The following DYM variants were observed in gnomAD, a reference collection of about 807,000 sequenced individuals.
DYM encodes the protein dymeclin.
A neutral mutation model predicts 93.1 loss-of-function variants in DYM; 78 were observed. The ratio of observed to expected loss-of-function variants is 0.84; its 90% CI spans 0.70 to 1.01. The LOEUF (loss-of-function observed/expected upper bound fraction) is 1.01. Ranked by LOEUF, DYM falls within the 50% of genes least tolerant of loss-of-function variation. DYM has a pLI of 0.00. For missense variants in DYM, 789 were observed against 845.0 expected (o/e 0.93, Z 0.82); for synonymous variants, 321 against 319.7 (o/e 1.00, Z -0.04).
chr18:49,152,542 G>A (rs946858667), intron 15 of DYM, among the ~76,000 whole-genome samples: 1 of 152,128 alleles, frequency 6.6e-6, no homozygotes, highest in African/African-American at 2.4e-5. Context: ...AAAATCAATT[G>A]TATTGGTACA....
At chr18:49,380,360 T>C (rs1417421293) in intron 3 of DYM, among the ~76,000 whole-genome samples, 1 of 152,210 alleles carries the variant, frequency 6.6e-6, no homozygotes, top group Non-Finnish European at 1.5e-5. Context: ...ATTAACTGAA[T>C]ACTGAATCTC....
chr18:49,078,499 T>C (rs922910403), intron 17 of DYM, among the ~76,000 whole-genome samples: 8 of 152,176 alleles, frequency 5.3e-5, no homozygotes, highest in African/African-American at 1.7e-4. Flanking sequence ...TATATACATC[T>C]ACATAGATTA....
intron 14 of DYM, 78 bp downstream of exon 14, chr18:49,209,473 C>A: frequency 1.1e-6 from 1 of 935,356 alleles, no homozygotes; most frequent in Non-Finnish European, 1.4e-6. Flanking sequence ...TTAATTGACA[C>A]ATGTCTTATT....
intron 14 of DYM, among the ~76,000 whole-genome samples, chr18:49,204,785 C>T (rs1346425760): frequency 3.3e-5 from 5 of 152,220 alleles, no homozygotes; most frequent in East Asian, 1.9e-4. Flanking sequence ...AATTCTCAAG[C>T]GCTTACTCAA....
intron 13 of DYM, 62 bp downstream of exon 13, chr18:49,256,948 A>T (rs2094403221): frequency 5.9e-6 from 8 of 1,355,404 alleles, no homozygotes; most frequent in Non-Finnish European, 8.4e-6. Flanking sequence ...GAACCACCAT[A>T]GTATCCATCT....
At chr18:49,279,961 G>A (rs1041794412) in intron 10 of DYM, among the ~76,000 whole-genome samples, 3 of 152,040 alleles carry the variant, frequency 2.0e-5, no homozygotes, top group African/African-American at 7.2e-5. Flanking sequence ...ATTTAACACT[G>A]AAAAAATGGT....
chr18:49,338,415 T>A (rs984145688), intron 6 of DYM, among the ~76,000 whole-genome samples: 1 of 152,162 alleles, frequency 6.6e-6, no homozygotes, highest in Non-Finnish European at 1.5e-5. Flanking sequence ...AGGAACTGCA[T>A]AAATTGACTC....
chr18:49,274,869 C>A (rs1458433275), intron 10 of DYM, among the ~76,000 whole-genome samples: 1 of 152,052 alleles, frequency 6.6e-6, no homozygotes, highest in Non-Finnish European at 1.5e-5. Flanking sequence ...TCTTTACATA[C>A]TATAGATACA....
chr18:49,108,139 G>A lies in DYM; in HGVS notation c.1911+10605C>T, dbSNP rs190897151. Among the ~76,000 whole-genome samples, 165 of 152,328 alleles carry A rather than the reference G, an allele frequency of 1.1e-3. 1 individual carries two copies. The highest frequency in any genetic ancestry group is 3.9e-3 in the African/African-American group (162 of 41,574). On this transcript the variant is annotated intron_variant, in intron 16 of 17. Coordinates refer to ENST00000675505, the MANE Select transcript of DYM (RefSeq NM_001353214.3). ...CCTCCCCCAGCCTCACTGCCACCTT[G>A]CAGTTTGATCTCAGACTACTGTGCT...
At chr18:49,333,702 T>G in intron 7 of DYM, 26 bp downstream of exon 7, 1 of 1,611,526 alleles carries the variant, frequency 6.2e-7, no homozygotes, top group South Asian at 1.1e-5. Context: ...ATGAAAAAAC[T>G]AGACATACTT....
At position 49,203,351 on chromosome 18, in the gene DYM, T is replaced by A. The variant is rs1600617760; in HGVS notation, c.1625+6200A>T. The stretch of plus-strand genomic sequence containing the variant: ...CCCGGCCACCACCCCGTCTGGGAGG[T>A]GTGCCCAACAGCTCATTGAGAACGG... On this transcript the variant is annotated intron_variant, in intron 14 of 17. Coordinates refer to ENST00000675505, the MANE Select transcript of DYM (RefSeq NM_001353214.3). Among the ~76,000 whole-genome samples, 2 of 111,110 alleles carry A rather than the reference T, an allele frequency of 1.8e-5. 1 individual carries two copies. The highest frequency in any genetic ancestry group is 6.5e-4 in the South Asian group (2 of 3,084). 72.9% of individuals were successfully genotyped at this position (111,110 alleles called of 152,430 possible).
At chr18:49,362,838 T>C in intron 6 of DYM, among the ~76,000 whole-genome samples, 1 of 152,218 alleles carries the variant, frequency 6.6e-6, no homozygotes, top group East Asian at 1.9e-4. Context: ...TCTACCACAA[T>C]ATGAAGTAGA....
intron 13 of DYM, among the ~76,000 whole-genome samples, chr18:49,245,835 C>T (rs1015212640): frequency 6.6e-6 from 1 of 152,044 alleles, no homozygotes; most frequent in Admixed American, 6.5e-5. Context: ...CAGAACCTGC[C>T]GATATGTGAT....
chr18:49,395,814 T>C (rs1266737588), intron 2 of DYM, among the ~76,000 whole-genome samples: 2 of 152,170 alleles, frequency 1.3e-5, no homozygotes, highest in Non-Finnish European at 2.9e-5. Flanking sequence ...GAAACTCTCA[T>C]ACAATGTTAG....
intron 15 of DYM, 141 bp from the exon 16 acceptor site, chr18:49,119,067 G>A (rs1448001966): frequency 2.7e-6 from 2 of 747,682 alleles, no homozygotes; most frequent in Middle Eastern, 2.7e-4. Flanking sequence ...GATTATTTCT[G>A]TCAAGAATCT....
At chr18:49,145,135 A>ATATATATATATATATATATAT in intron 15 of DYM, among the ~76,000 whole-genome samples, 1 of 9,394 alleles carries the variant, frequency 1.1e-4, no homozygotes, top group African/African-American at 2.1e-4. Flanking sequence ...ATATATATAT[A>ATATATATATATATATATATAT]ATTTATATAT....
At chr18:49,086,149 A>C (rs180753570) in intron 17 of DYM, among the ~76,000 whole-genome samples, 1 of 152,174 alleles carries the variant, frequency 6.6e-6, no homozygotes, top group East Asian at 1.9e-4. Context: ...TCTGCTGCTT[A>C]TAAGAGAATA....
At chr18:49,118,404 T>C (rs566849268) in intron 16 of DYM, among the ~76,000 whole-genome samples, 2 of 152,302 alleles carry the variant, frequency 1.3e-5, no homozygotes, top group African/African-American at 2.4e-5. Context: ...AATAGTTATA[T>C]ATATTTTAGG....
At chr18:49,174,015 T>C (rs922143665) in intron 14 of DYM, among the ~76,000 whole-genome samples, 3 of 152,162 alleles carry the variant, frequency 2.0e-5, no homozygotes, top group Non-Finnish European at 2.9e-5. Flanking sequence ...GTTGAAGAAA[T>C]TCCCTCTATT....
Sources: gnomAD v4.1 joint callset for allele counts (sites outside exome capture counted in the v4.1 genomes callset) on GRCh38, gnomAD v4.1.1 for gene constraint, MANE v1.5 for transcripts, NCBI Gene and HGNC (gene_info 2026-07-23, HGNC 2026-07-21) for gene names.